The following COL5A3 variants were observed in gnomAD, a reference collection of about 807,000 sequenced individuals.
The protein encoded by COL5A3 is collagen alpha-3(V) chain.
COL5A3 carries 172 observed loss-of-function variants against 250.0 expected under a neutral mutation model. The observed-to-expected ratio is 0.69, with a 90% CI of 0.61 to 0.78. The LOEUF (loss-of-function observed/expected upper bound fraction) is 0.78. Among genes scored for constraint, COL5A3 ranks in the 30% least tolerant of loss-of-function variants. The probability of loss-of-function intolerance (pLI) is 0.00; values close to 1 mark genes in which losing one functional copy is unlikely to be tolerated. For missense variants in COL5A3, 2,340 were observed against 2,334.4 expected, an observed-to-expected ratio of 1.00 and a Z score of -0.05; for synonymous variants, 937 against 900.4, an observed-to-expected ratio of 1.04 and a Z score of -0.73.
intron 15 of COL5A3, among the ~76,000 whole-genome samples, 168 bp from the exon 16 acceptor site, chr19:9,995,785 G>A (rs2087260172): frequency 6.6e-6 from 1 of 152,118 alleles, no homozygotes; most frequent in African/African-American, 2.4e-5. Flanking sequence ...AGACAAGTGT[G>A]TGCCACTGTA....
chr19:9,986,454 T>A, intron 29 of COL5A3, 32 bp from the exon 30 acceptor site: 1 of 1,610,436 alleles, frequency 6.2e-7, no homozygotes, highest in Non-Finnish European at 8.5e-7. Flanking sequence ...TTAATATCCA[T>A]CTTTTGTCCT....
Position 9,986,372 on chromosome 19 carries a change from C to A in COL5A3, c.2295G>T (p.Pro765=). 1 of 1,606,630 alleles carries A rather than the reference C, an allele frequency of 6.2e-7. No individual in the cohort carries two copies. The highest frequency in any genetic ancestry group is 8.5e-7 in the Non-Finnish European group (1 of 1,178,780). ...GPRGEDGPEG[P]KGQAGQAGEE... ...CGCCAGCCTGCCCCGCCTGCCCCTT[C>A]GGCCCCTCAGGACCATCCTCTCCCC... The change falls in exon 30 of 67, where the codon CCG becomes CCT. Residue 765 remains proline, a synonymous_variant. Transcript: ENST00000264828.
intron 8 of COL5A3, 62 bp downstream of exon 8, chr19:10,001,462 T>TA (rs1282610486): frequency 1.9e-6 from 3 of 1,542,970 alleles, no homozygotes; most frequent in East Asian, 2.3e-5. Context: ...AAATAAATTT[T>TA]AAAAAAATTT....
intron 8 of COL5A3, among the ~76,000 whole-genome samples, chr19:10,000,164 A>G (rs1443299455): frequency 1.3e-5 from 2 of 152,042 alleles, no homozygotes; most frequent in Non-Finnish European, 2.9e-5. Flanking sequence ...ACAACAGTCC[A>G]CCATCTTCTT....
intron 31 of COL5A3, 27 bp downstream of exon 31, chr19:9,985,815 C>T: frequency 6.2e-7 from 1 of 1,603,602 alleles, no homozygotes. Flanking sequence ...CCATATCCAT[C>T]TCCACCCCCC....
chr19:9,960,737 C>T lies in COL5A3; in HGVS notation c.5005G>A (p.Ala1669Thr), dbSNP rs764673613. The change falls in exon 66 of 67, where the codon GCC becomes ACC. Residue 1669 changes from alanine to threonine, a missense_variant. Ala to Thr is a moderately conservative substitution (Grantham distance 58, BLOSUM62 0). Around this residue, in one of 3 missense-constraint regions of COL5A3, gnomAD observed 1,179 missense variants for 1,162.6 expected, o/e 1.01. Transcript: ENST00000264828. ...TCTCCATTGGTGCCAAGGAAGCGGG[C>T]GGAGTGGCTGTAGTCACCCGTGGCT... is the stretch of plus-strand genomic sequence containing the variant. ...DEATGDYSHS[A>T]RFLGTNGEEL... 27 of 1,613,900 alleles carry T rather than the reference C, an allele frequency of 1.7e-5. No individual in the cohort carries two copies. Among genetic ancestry groups the T allele is most frequent in the East Asian group, 1.3e-4 (6 of 44,892 alleles).
At chr19:9,994,220 C>T (rs1375198676) in intron 16 of COL5A3, among the ~76,000 whole-genome samples, 1 of 151,850 alleles carries the variant, frequency 6.6e-6, no homozygotes, top group Non-Finnish European at 1.5e-5. Flanking sequence ...TGCTCTCTTG[C>T]CCAGGCTGGA....
chr19:9,984,747 GT>G (rs2087070715), intron 31 of COL5A3, among the ~76,000 whole-genome samples: 1 of 152,014 alleles, frequency 6.6e-6, no homozygotes. Context: ...CACATAGCGG[GT>G]AAGAGGGCAT....
chr19:9,977,790 G>T, intron 41 of COL5A3, 89 bp from the exon 42 acceptor site: 2 of 1,094,442 alleles, frequency 1.8e-6, no homozygotes, highest in Non-Finnish European at 2.5e-6. Context: ...TGAGTTCTGA[G>T]GTTACCAGGA....
Position 9,991,771 on chromosome 19 carries a change from G to A in COL5A3, c.1947+17C>T, listed in dbSNP as rs200075685. The A allele has an allele frequency of 3.6e-5, 57 of 1,600,686 alleles. No individual in the cohort carries two copies. In the East Asian group the frequency reaches 1.1e-3, roughly 29 times the overall value. ...TGACCACTCCCATGCCCCATTATTGGGAAAGACAGTTCAAACCTGGGACCC... is the reference window on the plus strand; with the variant it reads ...TGACCACTCCCATGCCCCATTATTGAGAAAGACAGTTCAAACCTGGGACCC... On this transcript the variant is annotated intron_variant, in intron 23 of 66. Coordinates refer to ENST00000264828, the MANE Select transcript of COL5A3 (RefSeq NM_015719.4).
chr19:9,963,051 C>T (rs111854382), intron 64 of COL5A3, among the ~76,000 whole-genome samples, 164 bp from the exon 65 acceptor site: 1,953 of 152,212 alleles, frequency 0.013, 33 homozygotes, highest in African/African-American at 0.045. Flanking sequence ...GAAGGAGGTT[C>T]ATGCCCCTGA....
rs962674946 is a variant in COL5A3, at chr19:9,968,603, C to G, written c.4206+72G>C. ...GGGAGCAGAGGATGCACCAATCTCC[C>G]AGCCCCCCAGCCAGGGAGGGAGGGA... is the stretch of plus-strand genomic sequence containing the variant. On this transcript the variant is annotated intron_variant, in intron 58 of 66. Coordinates refer to ENST00000264828, the MANE Select transcript of COL5A3 (RefSeq NM_015719.4). The surrounding 1 kb of genome is among the most constrained non-coding windows in gnomAD (Gnocchi z 4.1). The G allele has an allele frequency of 1.3e-6, 2 of 1,591,198 alleles. No homozygotes were observed. Among genetic ancestry groups the G allele is most frequent in the African/African-American group, 2.7e-5 (2 of 74,366 alleles).
In COL5A3 at chr19:9,997,973, C is replaced by T; in HGVS notation, c.1200+11G>A. On this transcript the variant is annotated intron_variant, in intron 10 of 66. Transcript: ENST00000264828. ...GAAAGACTGGAAGAAGGAAACACAG[C>T]CATGACTTACTTGGGGTCCTGGGGC... 1.2e-6 allele frequency: 2 copies of T among 1,614,028 alleles called. No individual in the cohort carries two copies. Among genetic ancestry groups the T allele is most frequent in the South Asian group, 1.1e-5 (1 of 91,068 alleles).
chr19:9,989,063 T>C, intron 27 of COL5A3, 61 bp downstream of exon 27: 1 of 1,538,822 alleles, frequency 6.5e-7, no homozygotes, highest in South Asian at 1.1e-5. Flanking sequence ...CTGATGGAGC[T>C]GCATCGCATG....
At chr19:10,005,207 AT>A (rs1377445229) in intron 4 of COL5A3, among the ~76,000 whole-genome samples, 9 of 152,110 alleles carry the variant, frequency 5.9e-5, no homozygotes, top group Non-Finnish European at 1.3e-4. Context: ...AAATTCAAAA[AT>A]TAGCTGGGCG....
intron 1 of COL5A3, among the ~76,000 whole-genome samples, chr19:10,006,995 C>T (rs139139367): frequency 4.6e-5 from 7 of 151,872 alleles, no homozygotes; most frequent in African/African-American, 1.7e-4. Context: ...GACCTCCTCC[C>T]TCTGAATGTC....
chr19:10,003,080 T>C (rs1256244390), intron 6 of COL5A3, among the ~76,000 whole-genome samples: 1 of 152,036 alleles, frequency 6.6e-6, no homozygotes, highest in Non-Finnish European at 1.5e-5. Flanking sequence ...TATCCAGCAA[T>C]CCCTATCAGG....
chr19:10,004,971 G>A (rs1474388366), intron 4 of COL5A3, among the ~76,000 whole-genome samples: 1 of 151,166 alleles, frequency 6.6e-6, no homozygotes, highest in Admixed American at 6.7e-5. Flanking sequence ...TTGTGGCTCT[G>A]CAATCTCACA....
In COL5A3 at chr19:9,960,832, T is replaced by C. The variant is rs1439921955; in HGVS notation, c.4910A>G (p.Lys1637Arg). The change falls in exon 66 of 67, where the codon AAA becomes AGA. Residue 1637 changes from lysine to arginine, a missense_variant. Coordinates refer to ENST00000264828, the MANE Select transcript of COL5A3 (RefSeq NM_015719.4). ...PVNVVQLNFL[K>R]LLSATARQNF... is the part of the protein sequence containing the mutation. ...CTGGCGAGCTGTGGCACTCAGCAGTTTCAGGAAGTTCAGCTGCACGACATT... is the reference window on the plus strand; with the variant it reads ...CTGGCGAGCTGTGGCACTCAGCAGTCTCAGGAAGTTCAGCTGCACGACATT... 1.2e-6 allele frequency: 2 copies of C among 1,612,446 alleles called. No homozygotes were observed. Among genetic ancestry groups the C allele is most frequent in the Non-Finnish European group, 1.7e-6 (2 of 1,180,018 alleles).
Sources: allele counts gnomAD v4.1 joint callset (sites outside exome capture counted in the v4.1 genomes callset), GRCh38; gene constraint gnomAD v4.1.1; regional missense constraint gnomAD v4.1.1; non-coding constraint Gnocchi (gnomAD v3.1); transcripts MANE v1.5; gene names NCBI Gene and HGNC (gene_info 2026-07-23, HGNC 2026-07-21).